Variants in NALCN observed in about 807,000 individuals in gnomAD.
The protein encoded by NALCN is sodium leak channel, non-selective.
Under a neutral mutation model 225.3 loss-of-function variants are expected in NALCN, and 111 were observed. The ratio of observed to expected loss-of-function variants is 0.49; its 90% CI spans 0.42 to 0.58. NALCN has a LOEUF of 0.58. Among genes scored for constraint, NALCN ranks in the 20% least tolerant of loss-of-function variants. The pLI, the probability that NALCN is intolerant of heterozygous loss-of-function variation, is 0.00. For synonymous variants in NALCN, 764 were observed against 769.0 expected (o/e 0.99, Z 0.11); for missense variants, 1,378 against 2,202.4 (o/e 0.63, Z 7.49).
At chr13:101,352,877 G>A (rs534769826) in intron 6 of NALCN, among the ~76,000 whole-genome samples, 4 of 152,168 alleles carry the variant, frequency 2.6e-5, no homozygotes, top group Admixed American at 1.3e-4. Flanking sequence ...TCTTGGTATC[G>A]AAATTTGACC....
chr13:101,136,767 A>G (rs753703626), intron 17 of NALCN, among the ~76,000 whole-genome samples: 47 of 152,162 alleles, frequency 3.1e-4, no homozygotes, highest in Non-Finnish European at 6.8e-4. Context: ...ATAAACATAC[A>G]TGTGCATGTG....
At chr13:101,301,905 A>C (rs16958812) in intron 7 of NALCN, among the ~76,000 whole-genome samples, 2 of 152,182 alleles carry the variant, frequency 1.3e-5, no homozygotes, top group African/African-American at 4.8e-5. Context: ...ACTGCTGATC[A>C]CCACTAAGGC....
At chr13:101,397,066 T>C (rs1384516535) in intron 2 of NALCN, among the ~76,000 whole-genome samples, 2 of 56,400 alleles carry the variant, frequency 3.5e-5, no homozygotes, top group Non-Finnish European at 7.0e-5. Flanking sequence ...TATGAATGTA[T>C]TATATATATA....
intron 22 of NALCN, among the ~76,000 whole-genome samples, chr13:101,107,050 C>T (rs1167583087): frequency 3.3e-5 from 5 of 152,126 alleles, no homozygotes; most frequent in African/African-American, 1.2e-4. Context: ...GTAATGAAAG[C>T]ACTAATCAAC....
intron 15 of NALCN, among the ~76,000 whole-genome samples, chr13:101,145,952 G>A (rs1040401248): frequency 3.9e-5 from 6 of 152,152 alleles, no homozygotes; most frequent in Admixed American, 3.9e-4. Context: ...AGGAATTATG[G>A]AAAGATAAGA....
chr13:101,392,100 C>T (rs532745984), intron 3 of NALCN, among the ~76,000 whole-genome samples: 2 of 151,450 alleles, frequency 1.3e-5, no homozygotes, highest in East Asian at 1.9e-4. Context: ...CCCACAAAAA[C>T]GCAACAGGAC....
intron 17 of NALCN, among the ~76,000 whole-genome samples, chr13:101,136,300 TTATTTATTTATTTA>T (rs1351476427): frequency 5.7e-4 from 3 of 5,232 alleles, no homozygotes; most frequent in East Asian, 0.019. Flanking sequence ...TTTTATTTAT[TTATTTATTTATTTA>T]TATATTATAC....
intron 11 of NALCN, among the ~76,000 whole-genome samples, chr13:101,246,523 G>C (rs1218425103): frequency 6.6e-6 from 1 of 152,168 alleles, no homozygotes; most frequent in East Asian, 1.9e-4. Context: ...TTAGCTTATA[G>C]TGTATATCAG....
intron 12 of NALCN, among the ~76,000 whole-genome samples, chr13:101,230,730 A>G (rs1347874693): frequency 6.6e-6 from 1 of 152,172 alleles, no homozygotes; most frequent in Admixed American, 6.5e-5. Flanking sequence ...TTCCCTGCAT[A>G]CTTACCAACT....
At chr13:101,412,094 C>T (rs2047805456) in intron 1 of NALCN, among the ~76,000 whole-genome samples, 1 of 152,124 alleles carries the variant, frequency 6.6e-6, no homozygotes, top group Non-Finnish European at 1.5e-5. Flanking sequence ...AAGTTTTTAT[C>T]AGGCTATATG....
intron 7 of NALCN, among the ~76,000 whole-genome samples, chr13:101,312,995 T>A (rs2044407121): frequency 6.6e-6 from 1 of 152,074 alleles, no homozygotes; most frequent in African/African-American, 2.4e-5. Flanking sequence ...TATAGATCAA[T>A]GGAACAGAAC....
In NALCN at chr13:101,376,904, A is replaced by G. The variant is rs749884797; in HGVS notation, c.515+13T>C. 1 of 1,614,046 alleles carries G rather than the reference A, an allele frequency of 6.2e-7. No homozygotes were observed. Among genetic ancestry groups the G allele is most frequent in the African/African-American group, 1.3e-5 (1 of 74,952 alleles). On this transcript the variant is annotated intron_variant, in intron 5 of 43. Coordinates refer to ENST00000251127, the MANE Select transcript of NALCN (RefSeq NM_052867.4). ...AAACTTTTCCTCTTAACTTATTGTA[A>G]AGCAGCGCTCACTTTAAAATATTTG...
Position 101,101,281 on chromosome 13 carries a change from C to CTTTTTTTTT in NALCN, c.3058-402_3058-394dup, listed in dbSNP as rs60948311. On this transcript the variant is annotated intron_variant, in intron 26 of 43. Coordinates refer to ENST00000251127, the MANE Select transcript of NALCN (RefSeq NM_052867.4). Reference sequence around the variant, plus strand: ...GACATATATATATTTATTTTTTTTTCTTTTTTTTTTTTTTTTTGAGATGGA... The same window carrying CTTTTTTTTT: ...GACATATATATATTTATTTTTTTTTCTTTTTTTTTTTTTTTTTTTTTTTTTTGAGATGGA... Among the ~76,000 whole-genome samples, 40 of 112,366 alleles carry CTTTTTTTTT rather than the reference C, an allele frequency of 3.6e-4. 1 individual carries two copies. Among genetic ancestry groups the CTTTTTTTTT allele is most frequent in the Non-Finnish European group, 4.9e-4 (29 of 58,922 alleles). 73.7% of individuals were successfully genotyped at this position (112,366 alleles called of 152,430 possible). A position where few individuals can be genotyped will look rare whatever the true frequency, so the allele number is the denominator to read the frequency against.
At position 101,104,841 on chromosome 13, in the gene NALCN, A is replaced by G; in HGVS notation, c.2636+53T>C. The G allele has an allele frequency of 6.3e-7, 1 of 1,593,974 alleles. No individual in the cohort carries two copies. The highest frequency in any genetic ancestry group is 1.1e-5 in the South Asian group (1 of 90,608). On this transcript the variant is annotated intron_variant, in intron 23 of 43. Coordinates refer to ENST00000251127, the MANE Select transcript of NALCN (RefSeq NM_052867.4). The surrounding 1 kb of genome is among the most constrained non-coding windows in gnomAD (Gnocchi z 4.2). ...TTTTAATCGTTGTATGCAGCATAAA[A>G]TAGTACATGAAAACTTTAAATGTGC...
intron 42 of NALCN, among the ~76,000 whole-genome samples, chr13:101,059,598 C>T (rs932006394): frequency 3.3e-5 from 5 of 150,840 alleles, no homozygotes; most frequent in African/African-American, 1.2e-4. Flanking sequence ...ATGAGTCAGA[C>T]TCTTTTTAAA....
At chr13:101,123,591 T>A (rs1441217343) in intron 18 of NALCN, among the ~76,000 whole-genome samples, 1 of 152,200 alleles carries the variant, frequency 6.6e-6, no homozygotes, top group Non-Finnish European at 1.5e-5. Flanking sequence ...ATACAAGCCC[T>A]AGAAATGCTT....
chr13:101,286,864 T>C (rs1316395332), intron 9 of NALCN, among the ~76,000 whole-genome samples: 1 of 146,956 alleles, frequency 6.8e-6, no homozygotes, highest in Non-Finnish European at 1.5e-5. Context: ...CCAGGTATTA[T>C]ACACACACAC....
chr13:101,183,278 T>G (rs1355187729), intron 14 of NALCN, among the ~76,000 whole-genome samples: 1 of 152,250 alleles, frequency 6.6e-6, no homozygotes, highest in Non-Finnish European at 1.5e-5. Context: ...TACAGGTTCA[T>G]ATTAAAACGG....
chr13:101,085,759 T>A (rs531029206), intron 30 of NALCN, among the ~76,000 whole-genome samples: 2 of 152,204 alleles, frequency 1.3e-5, no homozygotes, highest in African/African-American at 4.8e-5. Flanking sequence ...AATGCTGACA[T>A]GCTTTAAAAA....
Sources: gnomAD v4.1 joint callset for allele counts (sites outside exome capture counted in the v4.1 genomes callset) on GRCh38, gnomAD v4.1.1 for gene constraint, Gnocchi (gnomAD v3.1) non-coding constraint, MANE v1.5 for transcripts, NCBI Gene and HGNC (gene_info 2026-07-23, HGNC 2026-07-21) for gene names.